Variants in GRIK4 observed in about 807,000 individuals in gnomAD.
The protein encoded by GRIK4 is glutamate ionotropic receptor kainate type subunit 4.
In GRIK4, 40 loss-of-function variants were observed where a neutral mutation model predicts 104.9. The observed-to-expected ratio is 0.38, with a 90% CI of 0.30 to 0.50. The LOEUF (loss-of-function observed/expected upper bound fraction) is 0.50, where lower values mean the gene tolerates loss of function less well. Among genes scored for constraint, GRIK4 ranks in the 20% least tolerant of loss-of-function variants. The probability of loss-of-function intolerance (pLI) is 0.93; values close to 1 mark genes in which losing one functional copy is unlikely to be tolerated. For synonymous variants in GRIK4, 485 were observed against 524.9 expected (o/e 0.92, Z 1.04); for missense variants, 1,047 against 1,308.1 (o/e 0.80, Z 3.08).
chr11:120,596,916 G>A (rs1050296775), intron 1 of GRIK4, among the ~76,000 whole-genome samples: 2 of 152,076 alleles, frequency 1.3e-5, no homozygotes, highest in African/African-American at 4.8e-5. Flanking sequence ...GTAGAGACAG[G>A]GTTTTACCAT....
intron 2 of GRIK4, among the ~76,000 whole-genome samples, chr11:120,658,211 T>C (rs1467442263): frequency 6.6e-6 from 1 of 152,196 alleles, no homozygotes; most frequent in Admixed American, 6.5e-5. Context: ...TTGCATGTGG[T>C]TGTCGATTAT....
chr11:120,712,294 C>G (rs193069205), intron 3 of GRIK4, among the ~76,000 whole-genome samples: 1 of 152,138 alleles, frequency 6.6e-6, no homozygotes, highest in African/African-American at 2.4e-5. Context: ...GAGGGGGAAA[C>G]GTGACAGAAA....
rs529580758 is a variant in GRIK4, at chr11:120,513,708, A to T, written c.-159+1821A>T. ...GCCTCCCGCCTGCCTCACCAGCTCCACCCCTCTGTCCTCCTCTGGACCTGC... is the reference window on the plus strand; with the variant it reads ...GCCTCCCGCCTGCCTCACCAGCTCCTCCCCTCTGTCCTCCTCTGGACCTGC... On this transcript the variant is annotated intron_variant, in intron 1 of 20. Coordinates refer to ENST00000527524, the MANE Select transcript of GRIK4 (RefSeq NM_014619.5). This position sits in a 1 kb window ranked among gnomAD's most constrained non-coding sequence, Gnocchi z 4.5. Among the ~76,000 whole-genome samples, 1 of 151,642 alleles carries T rather than the reference A, an allele frequency of 6.6e-6. No homozygotes were observed. The highest frequency in any genetic ancestry group is 2.1e-4 in the South Asian group (1 of 4,774).
chr11:120,807,658 GA>G (rs199634072), intron 4 of GRIK4, among the ~76,000 whole-genome samples: 2 of 151,190 alleles, frequency 1.3e-5, no homozygotes, highest in Non-Finnish European at 2.9e-5. Context: ...TTGGCTTAAG[GA>G]AAAAAAAGTA....
At chr11:120,542,415 T>C (rs2266133) in intron 1 of GRIK4, among the ~76,000 whole-genome samples, 65,482 of 151,786 alleles carry the variant, frequency 0.43, 15,348 homozygotes, top group East Asian at 0.63. Context: ...TTGGGTATGA[T>C]GCCAAAAGCA....
intron 14 of GRIK4, among the ~76,000 whole-genome samples, chr11:120,951,267 G>A (rs1943994236): frequency 6.6e-6 from 1 of 152,194 alleles, no homozygotes. Context: ...CCCATGATGG[G>A]GGCTATGCAA....
At chr11:120,627,623 T>C (rs139561192) in intron 1 of GRIK4, among the ~76,000 whole-genome samples, 1 of 152,180 alleles carries the variant, frequency 6.6e-6, no homozygotes, top group Non-Finnish European at 1.5e-5. Context: ...CAGGCCCTGC[T>C]GGGGCAAAAC....
chr11:120,664,459 C>T (rs1949870452), intron 3 of GRIK4, among the ~76,000 whole-genome samples: 1 of 152,240 alleles, frequency 6.6e-6, no homozygotes, highest in Admixed American at 6.5e-5. Context: ...TTGCCTGGCA[C>T]TGGGCTAAGT....
intron 1 of GRIK4, among the ~76,000 whole-genome samples, chr11:120,536,006 A>G (rs1221131146): frequency 1.3e-5 from 2 of 152,196 alleles, no homozygotes; most frequent in Non-Finnish European, 2.9e-5. Context: ...GTGGAAAAAG[A>G]CGAGAAGGTA....
At chr11:120,970,378 C>T (rs1944455449) in intron 19 of GRIK4, among the ~76,000 whole-genome samples, 1 of 152,156 alleles carries the variant, frequency 6.6e-6, no homozygotes, top group African/African-American at 2.4e-5. Context: ...TGGTCAGTTC[C>T]AAGTCTCTCT....
intron 13 of GRIK4, among the ~76,000 whole-genome samples, chr11:120,929,809 G>T (rs1943441711): frequency 6.7e-6 from 1 of 149,920 alleles, no homozygotes; most frequent in Non-Finnish European, 1.5e-5. Context: ...AAGGGGAGAA[G>T]GGCGCCCTCT....
At chr11:120,566,863 C>T (rs73000621) in intron 1 of GRIK4, among the ~76,000 whole-genome samples, 42,472 of 151,652 alleles carry the variant, frequency 0.28, 7,707 homozygotes, top group Non-Finnish European at 0.41. Flanking sequence ...GCCATCACAC[C>T]GGCTAATTTT....
At chr11:120,820,837 A>G (rs756375443) in intron 6 of GRIK4, among the ~76,000 whole-genome samples, 3 of 152,182 alleles carry the variant, frequency 2.0e-5, no homozygotes, top group South Asian at 2.1e-4. Context: ...CCACCTCTCT[A>G]TTAAGAGTCA....
At chr11:120,854,132 A>T (rs1954045277) in intron 8 of GRIK4, among the ~76,000 whole-genome samples, 1 of 152,212 alleles carries the variant, frequency 6.6e-6, no homozygotes, top group Admixed American at 6.5e-5. Flanking sequence ...GAAGCAGTTG[A>T]TGTTATTATA....
At chr11:120,796,759 G>A (rs941905054) in intron 3 of GRIK4, among the ~76,000 whole-genome samples, 3 of 152,118 alleles carry the variant, frequency 2.0e-5, no homozygotes, top group Non-Finnish European at 4.4e-5. Context: ...CTGAGGCCAT[G>A]CCAGAGACTC....
At chr11:120,641,232 T>C (rs1215344261) in intron 1 of GRIK4, among the ~76,000 whole-genome samples, 1 of 152,262 alleles carries the variant, frequency 6.6e-6, no homozygotes, top group Non-Finnish European at 1.5e-5. Context: ...AATTTGAATC[T>C]GTGTATTTCA....
intron 18 of GRIK4, among the ~76,000 whole-genome samples, chr11:120,964,085 C>G (rs1944342733): frequency 6.6e-6 from 1 of 151,910 alleles, no homozygotes; most frequent in Non-Finnish European, 1.5e-5. Context: ...CTCCGCCTCC[C>G]ACTTCAAGTG....
At chr11:120,868,538 G>C (rs1054387220) in intron 9 of GRIK4, 4 of 152,072 alleles carry the variant, frequency 2.6e-5, no homozygotes, top group Non-Finnish European at 5.9e-5. Flanking sequence ...AATGGGGGGG[G>C]GGGCGGTGCC....
intron 1 of GRIK4, among the ~76,000 whole-genome samples, chr11:120,538,426 C>A (rs902572258): frequency 6.6e-6 from 1 of 152,226 alleles, no homozygotes; most frequent in African/African-American, 2.4e-5. Flanking sequence ...TTGTAAAAGG[C>A]CTCCTCTCCC....
Sources: allele counts gnomAD v4.1 joint callset (sites outside exome capture counted in the v4.1 genomes callset), GRCh38; gene constraint gnomAD v4.1.1; non-coding constraint Gnocchi (gnomAD v3.1); transcripts MANE v1.5; gene names NCBI Gene and HGNC (gene_info 2026-07-23, HGNC 2026-07-21).